CTNND1: variants seen among roughly 807,000 people sequenced by gnomAD.
CTNND1 encodes the protein catenin delta 1.
A neutral mutation model predicts 112.1 loss-of-function variants in CTNND1; 16 were observed. The ratio of observed to expected loss-of-function variants is 0.14; its 90% CI spans 0.10 to 0.22. The LOEUF (loss-of-function observed/expected upper bound fraction) is 0.22. CTNND1 is among the 10% of genes least tolerant of loss of function. The probability of loss-of-function intolerance (pLI) is 1.00; values close to 1 mark genes in which losing one functional copy is unlikely to be tolerated. For synonymous variants in CTNND1, 420 were observed against 446.5 expected, an observed-to-expected ratio of 0.94 and a Z score of 0.75; for missense variants, 1,008 against 1,257.0, an observed-to-expected ratio of 0.80 and a Z score of 3.00.
chr11:57,786,536 A>T (rs1225107466), intron 1 of CTNND1, among the ~76,000 whole-genome samples: 1 of 152,184 alleles, frequency 6.6e-6, no homozygotes, highest in Non-Finnish European at 1.5e-5. Flanking sequence ...CCATCTCAAA[A>T]AAATAAATAA....
chr11:57,817,351 G>A lies in CTNND1; in HGVS notation c.*1043G>A, dbSNP rs1197919331. On this transcript the variant is annotated 3_prime_UTR_variant, in exon 21 of 21. Coordinates refer to ENST00000399050, the MANE Select transcript of CTNND1 (RefSeq NM_001085458.2). The stretch of plus-strand genomic sequence containing the variant: ...TCCTGTCCCTTTTCCCTTACAAGGT[G>A]GGGATTGCCCCTGGCTTTGCCTCTT... The A allele has an allele frequency of 8.5e-5, 13 of 152,702 alleles. No homozygotes were observed. Among genetic ancestry groups the A allele is most frequent in the African/African-American group, 2.7e-4 (11 of 41,420 alleles). 9.5% of individuals were successfully genotyped at this position (152,702 alleles called of 1,614,324 possible).
chr11:57,790,502 G>A (rs2060593932), intron 2 of CTNND1, among the ~76,000 whole-genome samples: 1 of 149,342 alleles, frequency 6.7e-6, no homozygotes, highest in Non-Finnish European at 1.5e-5. Context: ...CCGAGTTGCT[G>A]GGATTATAGG....
chr11:57,804,014 C>T, intron 8 of CTNND1: 1 of 408,288 alleles, frequency 2.4e-6, no homozygotes, highest in South Asian at 5.5e-5. Context: ...CTGTTCCCCA[C>T]ACATCCTCTT....
At position 57,802,231 on chromosome 11, in the gene CTNND1, G is replaced by A. The variant is rs187332137; in HGVS notation, c.1420+35G>A. 3.6e-5 allele frequency: 56 copies of A among 1,538,792 alleles called. No individual in the cohort carries two copies. The African/African-American group carries it at 5.3e-4, about 15-fold the overall frequency. On this transcript the variant is annotated intron_variant, in intron 7 of 20. Transcript: ENST00000399050. ...AGGCCTAAGGAAAATTGCTAAGTCA[G>A]TGTTACTCTCTAGTGATGTTGAGAA...
intron 1 of CTNND1, among the ~76,000 whole-genome samples, chr11:57,769,289 C>G (rs558994504): frequency 1.3e-5 from 2 of 152,014 alleles, no homozygotes; most frequent in African/African-American, 4.8e-5. Context: ...GTCATTGCAC[C>G]CCAGCCTGGG....
At chr11:57,770,643 C>T (rs1952341377) in intron 1 of CTNND1, among the ~76,000 whole-genome samples, 1 of 151,012 alleles carries the variant, frequency 6.6e-6, no homozygotes, top group Non-Finnish European at 1.5e-5. Flanking sequence ...GAGAGTGAGA[C>T]TCCATCTCAA....
chr11:57,815,395 TAAC>T lies in CTNND1; in HGVS notation c.2707_2709del (p.Asn903del). ...GTGTACTTTTTTTTTTTTAACCAGA[TAAC>T]AACTATTCCACACCAAATGAGAGAG... On this transcript the variant is annotated inframe_deletion and splice_region_variant, in exon 19 of 21. Coordinates refer to ENST00000399050, the MANE Select transcript of CTNND1 (RefSeq NM_001085458.2). 1.3e-6 allele frequency: 2 copies of T among 1,567,490 alleles called. No homozygotes were observed. Among genetic ancestry groups the T allele is most frequent in the Admixed American group, 2.0e-5 (1 of 49,388 alleles).
intron 10 of CTNND1, 124 bp from the exon 11 acceptor site, chr11:57,806,337 T>C: frequency 1.0e-6 from 1 of 983,406 alleles, no homozygotes; most frequent in Non-Finnish European, 1.5e-6. Context: ...GCATTTTCTG[T>C]GTTTTTCTTT....
At chr11:57,812,995 T>A (rs1019283436) in intron 17 of CTNND1, among the ~76,000 whole-genome samples, 7 of 152,268 alleles carry the variant, frequency 4.6e-5, no homozygotes, top group African/African-American at 1.4e-4. Flanking sequence ...TTTGAAAAAC[T>A]TTTATTTGCC....
rs373143838 is a variant in CTNND1, at chr11:57,803,775, G to A, written c.1575G>A (p.Ser525=). The A allele has an allele frequency of 4.5e-5, 73 of 1,610,656 alleles. No homozygotes were observed. The highest frequency in any genetic ancestry group is 3.9e-4 in the African/African-American group (29 of 74,672). Residue 525 remains serine (S), a synonymous_variant, in exon 8 of 21, where the codon TCG becomes TCA. Coordinates refer to ENST00000399050, the MANE Select transcript of CTNND1 (RefSeq NM_001085458.2). ...DCKPRHIEWE[S]VLTNTAGCLR... ...AGCCACGCCACATTGAGTGGGAATC[G>A]GTGCTCACCAACACAGCTGGCTGCC...
At chr11:57,806,605 CTG>C (rs2062700818) in intron 11 of CTNND1, 127 bp downstream of exon 11, 1 of 861,656 alleles carries the variant, frequency 1.2e-6, no homozygotes. Flanking sequence ...GAGGAAGACA[CTG>C]AAACAAGTTT....
intron 1 of CTNND1, among the ~76,000 whole-genome samples, chr11:57,786,520 G>A (rs1565311300): frequency 1.3e-5 from 2 of 152,172 alleles, no homozygotes; most frequent in Admixed American, 6.5e-5. Flanking sequence ...GCCACTAAGC[G>A]AGACTCCATC....
chr11:57,794,999 G>C (rs1239606971), intron 4 of CTNND1, among the ~76,000 whole-genome samples: 4 of 151,414 alleles, frequency 2.6e-5, no homozygotes, highest in African/African-American at 4.9e-5. Context: ...AGGAGTTCAA[G>C]ACCAGCCTGG....
Position 57,819,139 on chromosome 11 carries a change from T to A in CTNND1, c.*2831T>A, listed in dbSNP as rs1467942577. The A allele has an allele frequency of 6.6e-6, 1 of 152,258 alleles. No homozygotes were observed. The highest frequency in any genetic ancestry group is 1.5e-5 in the Non-Finnish European group (1 of 68,048). 9.4% of individuals were successfully genotyped at this position (152,258 alleles called of 1,614,324 possible). On this transcript the variant is annotated 3_prime_UTR_variant, in exon 21 of 21. Transcript: ENST00000399050. The stretch of plus-strand genomic sequence containing the variant: ...GAGAATTTATGTGAAATGCTTTCTG[T>A]ATGCCCAAATCTTTAGATTAAAATT...
Position 57,808,198 on chromosome 11 carries a change from G to A in CTNND1, c.1997G>A (p.Arg666Gln), listed in dbSNP as rs1458798023. The change falls in exon 13 of 21, where the codon CGG becomes CAG. Residue 666 changes from arginine (R) to glutamine (Q), a missense_variant. Physicochemically the swap from Arg to Gln is conservative, Grantham distance 43. Coordinates refer to ENST00000399050, the MANE Select transcript of CTNND1 (RefSeq NM_001085458.2). The stretch of plus-strand genomic sequence containing the variant: ...CTCTTATTTCAGCCAGAGGTGGTTC[G>A]GATATACATCTCACTTCTTAAGGAG... ...YELLFQPEVV[R>Q]IYISLLKESK... 3.1e-6 allele frequency: 5 copies of A among 1,613,456 alleles called. No homozygotes were observed. The Admixed American group carries it at 6.7e-5, about 22-fold the overall frequency.
intron 8 of CTNND1, 46 bp from the exon 9 acceptor site, chr11:57,804,617 G>C: frequency 7.0e-7 from 1 of 1,435,044 alleles, no homozygotes; most frequent in Non-Finnish European, 9.8e-7. Flanking sequence ...ATTTAAGGGA[G>C]GATTTCTGGA....
intron 6 of CTNND1, among the ~76,000 whole-genome samples, chr11:57,800,065 C>A (rs2061834054): frequency 7.4e-6 from 1 of 134,990 alleles, no homozygotes; most frequent in African/African-American, 2.8e-5. Context: ...TGGTATTATA[C>A]CCAGGAGGCT....
At position 57,800,041 on chromosome 11, in the gene CTNND1, G is replaced by A. The variant is rs1294325750; in HGVS notation, c.957-1692G>A. On this transcript the variant is annotated intron_variant, in intron 6 of 20. Coordinates refer to ENST00000399050, the MANE Select transcript of CTNND1 (RefSeq NM_001085458.2). ...CTTGCTCTGTCACCCAGGCTGGAGA[G>A]CAGTGGTGCGATCTGGTATTATACC... Among the ~76,000 whole-genome samples, 4 of 137,034 alleles carry A rather than the reference G, an allele frequency of 2.9e-5. No individual in the cohort carries two copies. The East Asian group carries it at 9.5e-4, about 32-fold the overall frequency. The allele number at this position is 137,034 out of a possible 152,430, so 89.9% of individuals were successfully genotyped here. A position where few individuals can be genotyped will look rare whatever the true frequency, so the allele number is the denominator to read the frequency against.
At chr11:57,772,489 CT>C (rs1441683259) in intron 1 of CTNND1, among the ~76,000 whole-genome samples, 2 of 152,234 alleles carry the variant, frequency 1.3e-5, no homozygotes, top group African/African-American at 4.8e-5. Flanking sequence ...TTGAGGACCC[CT>C]TTATAGGTCA....
Sources: gnomAD v4.1 joint callset for allele counts (sites outside exome capture counted in the v4.1 genomes callset) on GRCh38, gnomAD v4.1.1 for gene constraint, MANE v1.5 for transcripts, NCBI Gene and HGNC (gene_info 2026-07-23, HGNC 2026-07-21) for gene names.